VSTM4: variants seen among roughly 807,000 people sequenced by gnomAD.
VSTM4 encodes V-set and transmembrane domain-containing protein 4.
Under a neutral mutation model 36.4 loss-of-function variants are expected in VSTM4, and 20 were observed. The ratio of observed to expected loss-of-function variants is 0.55; its 90% CI spans 0.39 to 0.80. VSTM4 has a LOEUF of 0.80. Among genes scored for constraint, VSTM4 ranks in the 30% least tolerant of loss-of-function variants. The pLI is 0.00. For missense variants in VSTM4, 392 were observed against 404.5 expected (o/e 0.97, Z 0.26); for synonymous variants, 182 against 173.9 (o/e 1.05, Z -0.37).
chr10:49,028,658 GT>G (rs1248601214), intron 7 of VSTM4, among the ~76,000 whole-genome samples: 1 of 152,170 alleles, frequency 6.6e-6, no homozygotes, highest in Non-Finnish European at 1.5e-5. Context: ...ACTAAGAGAG[GT>G]TTAGCATTCT....
intron 4 of VSTM4, among the ~76,000 whole-genome samples, chr10:49,073,929 G>A (rs1844127923): frequency 6.6e-6 from 1 of 152,198 alleles, no homozygotes; most frequent in South Asian, 2.1e-4. Flanking sequence ...TAAAGGGTGT[G>A]CAAATTGGCT....
At chr10:49,065,647 G>A (rs1342345637) in intron 4 of VSTM4, among the ~76,000 whole-genome samples, 2 of 152,132 alleles carry the variant, frequency 1.3e-5, no homozygotes, top group South Asian at 2.1e-4. Context: ...CCAAGGCCCC[G>A]AACAACCAGG....
At chr10:49,043,603 G>T (rs1843554492) in intron 7 of VSTM4, among the ~76,000 whole-genome samples, 2 of 152,136 alleles carry the variant, frequency 1.3e-5, no homozygotes, top group Non-Finnish European at 1.5e-5. Context: ...TGAAGGGAAA[G>T]ACACTGGACT....
intron 7 of VSTM4, among the ~76,000 whole-genome samples, chr10:49,040,967 A>C (rs1304337138): frequency 1.3e-5 from 2 of 152,206 alleles, no homozygotes; most frequent in African/African-American, 2.4e-5. Context: ...CCATTACAAA[A>C]TTAGACACCT....
chr10:49,079,073 C>G (rs1459329717), intron 3 of VSTM4, among the ~76,000 whole-genome samples: 1 of 152,080 alleles, frequency 6.6e-6, no homozygotes, highest in African/African-American at 2.4e-5. Flanking sequence ...TTCAGGTGAT[C>G]CCCCCACCTC....
chr10:49,020,647 A>G, intron 7 of VSTM4, among the ~76,000 whole-genome samples: 1 of 151,810 alleles, frequency 6.6e-6, no homozygotes, highest in South Asian at 2.1e-4. Context: ...TAGAAATTAT[A>G]AACATTAACT....
chr10:49,087,222 T>C (rs1048273089), intron 2 of VSTM4, among the ~76,000 whole-genome samples: 1 of 152,202 alleles, frequency 6.6e-6, no homozygotes, highest in African/African-American at 2.4e-5. Flanking sequence ...CAGTTCTATA[T>C]TATTTGTTTA....
At chr10:49,028,895 G>A (rs1305757483) in intron 7 of VSTM4, among the ~76,000 whole-genome samples, 2 of 152,216 alleles carry the variant, frequency 1.3e-5, no homozygotes, top group East Asian at 3.8e-4. Flanking sequence ...TGTGACTGCA[G>A]CTCCACAGAG....
chr10:49,022,449 G>A (rs1461339416), intron 7 of VSTM4, among the ~76,000 whole-genome samples: 2 of 152,048 alleles, frequency 1.3e-5, no homozygotes, highest in African/African-American at 4.8e-5. Context: ...AAAGGCACGG[G>A]AAGTAATAGA....
At chr10:49,095,726 C>T (rs1176131463) in intron 2 of VSTM4, among the ~76,000 whole-genome samples, 1 of 152,016 alleles carries the variant, frequency 6.6e-6, no homozygotes, top group Non-Finnish European at 1.5e-5. Context: ...TCAGCCTCAC[C>T]CCCTCGTCTG....
chr10:49,106,383 A>G (rs1404812304), intron 2 of VSTM4, among the ~76,000 whole-genome samples: 1 of 152,250 alleles, frequency 6.6e-6, no homozygotes, highest in African/African-American at 2.4e-5. Context: ...GGCAAAATTT[A>G]GTGCATAATA....
Position 49,017,913 on chromosome 10 carries a change from G to A in VSTM4, c.*1737C>T, listed in dbSNP as rs1464905623. On this transcript the variant is annotated 3_prime_UTR_variant, in exon 8 of 8. Transcript: ENST00000332853. ...CCCTCCCAAAGAGATGCTCAAAGAA[G>A]TTCTAGTGAGTTCTTCCAAATGGTT... 1 of 152,198 alleles carries A rather than the reference G, an allele frequency of 6.6e-6. No homozygotes were observed. Among genetic ancestry groups the A allele is most frequent in the Non-Finnish European group, 1.5e-5 (1 of 68,040 alleles). The allele number at this position is 152,198 out of a possible 1,614,324, so 9.4% of individuals were successfully genotyped here. A position where few individuals can be genotyped will look rare whatever the true frequency, so the allele number is the denominator to read the frequency against.
Position 49,019,512 on chromosome 10 carries a change from C to G in VSTM4, c.*138G>C. On this transcript the variant is annotated 3_prime_UTR_variant, in exon 8 of 8. Coordinates refer to ENST00000332853, the MANE Select transcript of VSTM4 (RefSeq NM_001031746.5). ...GCAGGCTTGTACCTCTTCAAAGGCA[C>G]CCAGAATGCTGCTGAAAAGGGGCTC... is the stretch of plus-strand genomic sequence containing the variant. 2.3e-6 allele frequency: 3 copies of G among 1,291,366 alleles called. No homozygotes were observed. The highest frequency in any genetic ancestry group is 3.1e-6 in the Non-Finnish European group (3 of 980,510). The allele number at this position is 1,291,366 out of a possible 1,614,324, so 80.0% of individuals were successfully genotyped here.
At chr10:49,082,890 A>G (rs1844305424) in intron 3 of VSTM4, among the ~76,000 whole-genome samples, 1 of 152,218 alleles carries the variant, frequency 6.6e-6, no homozygotes, top group South Asian at 2.1e-4. Flanking sequence ...GGCAGGCTGG[A>G]GCAGCTGCCC....
At chr10:49,088,723 A>T (rs114900725) in intron 2 of VSTM4, among the ~76,000 whole-genome samples, 1,819 of 152,342 alleles carry the variant, frequency 0.012, 30 homozygotes, top group African/African-American at 0.042. Context: ...GACTGTGCCC[A>T]CTTCTCTCCT....
chr10:49,112,021 G>A (rs1324136890), intron 1 of VSTM4, among the ~76,000 whole-genome samples: 3 of 152,156 alleles, frequency 2.0e-5, no homozygotes, highest in Non-Finnish European at 4.4e-5. Context: ...CAAATGTTGT[G>A]AGGCAAGAGG....
At chr10:49,058,855 C>G (rs1590094596) in intron 5 of VSTM4, among the ~76,000 whole-genome samples, 1 of 152,156 alleles carries the variant, frequency 6.6e-6, no homozygotes, top group Non-Finnish European at 1.5e-5. Flanking sequence ...TGCTTTTTGT[C>G]TGTTCCCCCT....
intron 2 of VSTM4, among the ~76,000 whole-genome samples, chr10:49,095,645 G>A (rs574936095): frequency 1.7e-4 from 26 of 152,256 alleles, no homozygotes; most frequent in African/African-American, 4.1e-4. Flanking sequence ...TGCCCCAAGC[G>A]AAGTCCCACA....
intron 7 of VSTM4, among the ~76,000 whole-genome samples, chr10:49,020,531 C>T (rs1590062724): frequency 7.4e-6 from 1 of 134,332 alleles, no homozygotes; most frequent in South Asian, 2.4e-4. Flanking sequence ...AGATAAGAGA[C>T]ATAAACAAAA....
Sources: allele counts gnomAD v4.1 joint callset (sites outside exome capture counted in the v4.1 genomes callset), GRCh38; gene constraint gnomAD v4.1.1; transcripts MANE v1.5; gene names NCBI Gene and HGNC (gene_info 2026-07-23, HGNC 2026-07-21).